The following RANBP10 variants were observed in gnomAD, a reference collection of about 807,000 sequenced individuals.
RANBP10 encodes ran-binding protein 10.
A neutral mutation model predicts 72.8 loss-of-function variants in RANBP10; 24 were observed. The ratio of observed to expected loss-of-function variants is 0.33; its 90% confidence interval spans 0.24 to 0.46. RANBP10 has a LOEUF of 0.46. Among genes scored for constraint, RANBP10 ranks in the 20% least tolerant of loss-of-function variants. RANBP10 has a pLI of 1.00. For synonymous variants in RANBP10, 310 were observed against 322.3 expected, an observed-to-expected ratio of 0.96 and a Z score of 0.41; for missense variants, 679 against 817.5, an observed-to-expected ratio of 0.83 and a Z score of 2.07.
chr16:67,804,826 G>A (rs1021319773), intron 2 of RANBP10, among the ~76,000 whole-genome samples: 3 of 152,036 alleles, frequency 2.0e-5, no homozygotes, highest in Admixed American at 6.6e-5. Context: ...ACCGTGCCTG[G>A]CTCCTAATGC....
At chr16:67,798,056 G>A (rs555317687) in intron 2 of RANBP10, among the ~76,000 whole-genome samples, 104 of 146,946 alleles carry the variant, frequency 7.1e-4, no homozygotes, top group African/African-American at 2.6e-3. Context: ...CTCTTACCCC[G>A]TGTTCCAGAA....
chr16:67,789,917 C>T (rs1289868225), intron 2 of RANBP10, among the ~76,000 whole-genome samples: 1 of 151,598 alleles, frequency 6.6e-6, no homozygotes, highest in Admixed American at 6.6e-5. Flanking sequence ...ACCAACATGG[C>T]GAAATCCCAT....
At chr16:67,782,739 C>T (rs952070091) in intron 2 of RANBP10, among the ~76,000 whole-genome samples, 13 of 151,100 alleles carry the variant, frequency 8.6e-5, no homozygotes, top group African/African-American at 2.4e-5. Context: ...AGGCATAAGC[C>T]ACCGTGCTGG....
In RANBP10 at chr16:67,726,307, G is replaced by A. The variant is rs1427273731; in HGVS notation, c.*121C>T. The A allele has an allele frequency of 3.5e-6, 5 of 1,447,482 alleles. No homozygotes were observed. The South Asian group carries it at 4.9e-5, about 14-fold the overall frequency. 89.7% of individuals were successfully genotyped at this position (1,447,482 alleles called of 1,614,324 possible). On this transcript the variant is annotated 3_prime_UTR_variant, in exon 14 of 14. Transcript: ENST00000317506. Reference sequence around the variant, plus strand: ...AGGAAAGGGAGAGGGGGAAAGGCCAGGCAGGAGGAGTGGACTCTGTCTATG... The same window carrying A: ...AGGAAAGGGAGAGGGGGAAAGGCCAAGCAGGAGGAGTGGACTCTGTCTATG...
At chr16:67,758,879 A>G (rs1388343216) in intron 3 of RANBP10, among the ~76,000 whole-genome samples, 1 of 152,236 alleles carries the variant, frequency 6.6e-6, no homozygotes, top group East Asian at 1.9e-4. Flanking sequence ...TCGCTTGAAA[A>G]GGCTGCTGAG....
chr16:67,732,774 G>T (rs984988920), intron 6 of RANBP10, among the ~76,000 whole-genome samples: 1 of 151,964 alleles, frequency 6.6e-6, no homozygotes, highest in Non-Finnish European at 1.5e-5. Context: ...ATGGCCAGGC[G>T]TGGTGGCTCA....
chr16:67,778,120 T>C (rs987006826), intron 2 of RANBP10, among the ~76,000 whole-genome samples: 2 of 152,120 alleles, frequency 1.3e-5, no homozygotes, highest in African/African-American at 4.8e-5. Context: ...GAGGCCAAAG[T>C]GGGTGGATCA....
chr16:67,768,803 A>T (rs941802580), intron 3 of RANBP10, among the ~76,000 whole-genome samples: 13 of 152,160 alleles, frequency 8.5e-5, no homozygotes, highest in African/African-American at 3.1e-4. Flanking sequence ...TAAAAGACAA[A>T]CATGAGGATT....
At chr16:67,746,113 G>T (rs547122751) in intron 3 of RANBP10, among the ~76,000 whole-genome samples, 2 of 151,436 alleles carry the variant, frequency 1.3e-5, no homozygotes, top group East Asian at 3.9e-4. Flanking sequence ...CCGAGATCGC[G>T]CCATTGCACT....
At chr16:67,782,032 G>A (rs183470113) in intron 2 of RANBP10, among the ~76,000 whole-genome samples, 2 of 152,334 alleles carry the variant, frequency 1.3e-5, no homozygotes, top group African/African-American at 2.4e-5. Context: ...CAGTCATGTG[G>A]AGAGCTGCAA....
chr16:67,748,242 G>A (rs926559483), intron 3 of RANBP10, among the ~76,000 whole-genome samples: 5 of 151,976 alleles, frequency 3.3e-5, no homozygotes, highest in Admixed American at 6.6e-5. Context: ...TATTCTGGCC[G>A]GATGCAGTGG....
At chr16:67,778,389 A>G (rs896323485) in intron 2 of RANBP10, among the ~76,000 whole-genome samples, 2 of 152,168 alleles carry the variant, frequency 1.3e-5, no homozygotes, top group African/African-American at 4.8e-5. Flanking sequence ...ATATTACACC[A>G]TATATAAAAA....
At position 67,784,914 on chromosome 16, in the gene RANBP10, A is replaced by C. The variant is rs575219113; in HGVS notation, c.348-12828T>G. Reference sequence around the variant, plus strand: ...TCTGGCACTGGCCCAGTAGCACTTAAAAAAAAAAAAATAGGCTGGGTGCGG... The same window carrying C: ...TCTGGCACTGGCCCAGTAGCACTTACAAAAAAAAAAATAGGCTGGGTGCGG... On this transcript the variant is annotated intron_variant, in intron 2 of 13. Coordinates refer to ENST00000317506, the MANE Select transcript of RANBP10 (RefSeq NM_020850.3). 2.2e-5 allele frequency among the ~76,000 whole-genome samples: 3 copies of C among 135,264 alleles called. No homozygotes were observed. In the South Asian group the frequency reaches 7.4e-4, roughly 33 times the overall value. 88.7% of individuals were successfully genotyped at this position (135,264 alleles called of 152,430 possible).
At chr16:67,731,137 A>G (rs537154318) in intron 7 of RANBP10, 1 of 297,644 alleles carries the variant, frequency 3.4e-6, no homozygotes, top group South Asian at 3.2e-5. Flanking sequence ...CTGGAAGACC[A>G]TGAACAGGAG....
At chr16:67,748,131 T>G (rs1295235924) in intron 3 of RANBP10, among the ~76,000 whole-genome samples, 1 of 151,944 alleles carries the variant, frequency 6.6e-6, no homozygotes, top group East Asian at 1.9e-4. Context: ...GGCCCTCATT[T>G]TCTTAATAAT....
At chr16:67,757,448 G>C (rs2054306760) in intron 3 of RANBP10, among the ~76,000 whole-genome samples, 1 of 152,156 alleles carries the variant, frequency 6.6e-6, no homozygotes, top group Non-Finnish European at 1.5e-5. Flanking sequence ...TGTCACTCTT[G>C]AGGCTGGCTG....
At chr16:67,792,653 C>CTAAAAGTAAAAAATATTAGCTGG (rs2055049795) in intron 2 of RANBP10, among the ~76,000 whole-genome samples, 1 of 150,794 alleles carries the variant, frequency 6.6e-6, no homozygotes, top group African/African-American at 2.4e-5. Context: ...CATGGTGGTA[C>CTAAAAGTAAAAAATATTAGCTGG]GCACCTATAG....
chr16:67,732,864 G>A (rs1156733376), intron 6 of RANBP10, among the ~76,000 whole-genome samples: 1 of 150,776 alleles, frequency 6.6e-6, no homozygotes, highest in Non-Finnish European at 1.5e-5. Flanking sequence ...TGGCTAATGC[G>A]GTGGAATGCC....
chr16:67,728,609 T>C, intron 10 of RANBP10, 98 bp from the exon 11 acceptor site: 1 of 1,591,978 alleles, frequency 6.3e-7, no homozygotes, highest in African/African-American at 1.3e-5. Context: ...TTGCTGTGGG[T>C]GAACCGAGGA....
Sources: allele counts gnomAD v4.1 joint callset (sites outside exome capture counted in the v4.1 genomes callset), GRCh38; gene constraint gnomAD v4.1.1; transcripts MANE v1.5; gene names NCBI Gene and HGNC (gene_info 2026-07-23, HGNC 2026-07-21).